NEB: variants seen among roughly 807,000 people sequenced by gnomAD.
NEB encodes nebulin.
A neutral mutation model predicts 952.2 loss-of-function variants in NEB; 512 were observed. That is an observed-to-expected ratio of 0.54 (90% CI 0.50 to 0.58). The LOEUF (loss-of-function observed/expected upper bound fraction) is 0.58, where lower values mean the gene tolerates loss of function less well. NEB is among the 20% of genes least tolerant of loss of function. The pLI is 0.00. For missense variants in NEB, 8,428 were observed against 9,231.1 expected (o/e 0.91, Z 3.56); for synonymous variants, 2,900 against 3,149.8 (o/e 0.92, Z 2.66).
intron 3 of NEB, among the ~76,000 whole-genome samples, chr2:151,730,738 G>A (rs2099805779): frequency 1.3e-5 from 2 of 151,926 alleles, no homozygotes; most frequent in South Asian, 4.2e-4. Flanking sequence ...TTCCCTCAAT[G>A]GCCTGCATTC....
chr2:151,675,989 C>T (rs1344731776), intron 34 of NEB, among the ~76,000 whole-genome samples: 3 of 152,168 alleles, frequency 2.0e-5, no homozygotes, highest in Non-Finnish European at 4.4e-5. Flanking sequence ...AGAAATCTTA[C>T]TGCATCCTCC....
rs1420991944 is a variant in NEB at position 151,619,524 on chromosome 2, A to G, written c.10799T>C (p.Leu3600Pro). The G allele has an allele frequency of 1.2e-6, 2 of 1,613,952 alleles. No homozygotes were observed. Among genetic ancestry groups the G allele is most frequent in the Non-Finnish European group, 1.7e-6 (2 of 1,179,840 alleles). ...GTCGGGCAGGCAGATCCATTCATGC[A>G]GAGGATGTTTATAGTCCACATCGCT... ...LVSDVDYKHPLHEWICLPDQN... is the reference protein window; with the variant it reads ...LVSDVDYKHPPHEWICLPDQN... The change falls in exon 73 of 182, where the codon CTG becomes CCG. Residue 3600 changes from leucine (L) to proline (P), a missense_variant. This residue lies in a region of NEB where 1,772 missense variants were observed against 1,960.3 expected (regional missense o/e 0.90). Coordinates refer to ENST00000397345, the MANE Select transcript of NEB (RefSeq NM_001164508.2).
At position 151,630,807 on chromosome 2, in the gene NEB, C is replaced by G. The variant is rs757944456; in HGVS notation, c.9631G>C (p.Glu3211Gln). ...TGAGTCTTGTCTTTGTCCCAGGCCT[C>G]TGTGTATAAACGCTATAAAAGAAGA... ...ALNMNKRLYT[E>Q]AWDKDKTQIH... is the part of the protein sequence containing the mutation. Residue 3211 changes from glutamate (E) to glutamine (Q), a missense_variant, in exon 67 of 182, where the codon GAG becomes CAG. Physicochemically the swap from Glu to Gln is conservative, Grantham distance 29. Transcript: ENST00000397345. 1 of 1,607,646 alleles carries G rather than the reference C, an allele frequency of 6.2e-7. No individual in the cohort carries two copies. Among genetic ancestry groups the G allele is most frequent in the Non-Finnish European group, 8.5e-7 (1 of 1,176,172 alleles).
chr2:151,541,418 G>T, intron 136 of NEB, 29 bp downstream of exon 136: 1 of 1,554,696 alleles, frequency 6.4e-7, no homozygotes, highest in Non-Finnish European at 8.8e-7. Context: ...TGATGCCTGA[G>T]TGGCAGGCTT....
In NEB at chr2:151,733,117, T is replaced by C. The variant is rs1477166999; in HGVS notation, c.36+4A>G. ...GCTGTCAGTGTTTTTTTTTTAAATC[T>C]TACCTCCACCACCTCCTCATAGTCT... On this transcript the variant is annotated splice_donor_region_variant and intron_variant, in intron 3 of 181. Transcript: ENST00000397345. 1.9e-6 allele frequency: 3 copies of C among 1,601,334 alleles called. No homozygotes were observed. The African/African-American group carries it at 4.0e-5, about 21-fold the overall frequency.
chr2:151,565,076 G>A lies in NEB; in HGVS notation c.18439C>T (p.His6147Tyr), dbSNP rs1577779523. ...TFSPDTPHIS[H>Y]SKDMGKLYST... is the part of the protein sequence containing the mutation. Reference sequence around the variant, plus strand: ...TAGAGTTTTCCCATGTCTTTGGAGTGGGAGATATGTGGTGTATCTGGTGAA... The same window carrying A: ...TAGAGTTTTCCCATGTCTTTGGAGTAGGAGATATGTGGTGTATCTGGTGAA... Residue 6147 changes from histidine to tyrosine, a missense_variant, in exon 117 of 182, where the codon CAC (histidine) becomes TAC (tyrosine). This residue lies in a region of NEB where 3,374 missense variants were observed against 3,651.5 expected (regional missense o/e 0.92). Transcript: ENST00000397345. 3.1e-6 allele frequency: 5 copies of A among 1,594,708 alleles called. No individual in the cohort carries two copies. The Admixed American group carries it at 6.7e-5, about 21-fold the overall frequency.
rs1234582874 is a variant in NEB at position 151,709,733 on chromosome 2, T to C, written c.958A>G (p.Lys320Glu). Reference protein sequence around the residue: ...RKYQEDFENMKDQIYFMQTET... With the variant: ...RKYQEDFENMEDQIYFMQTET... The stretch of plus-strand genomic sequence containing the variant: ...GTCTGCATGAAGTAGATCTGGTCTT[T>C]CATGTTTTCAAAATCTTCCTGGTAT... The change falls in exon 12 of 182, where the codon AAA becomes GAA. Residue 320 changes from lysine (K) to glutamate (E), a missense_variant. Transcript: ENST00000397345. The C allele has an allele frequency of 6.2e-7, 1 of 1,604,342 alleles. No homozygotes were observed. The highest frequency in any genetic ancestry group is 8.5e-7 in the Non-Finnish European group (1 of 1,174,754).
intron 69 of NEB, 93 bp downstream of exon 69, chr2:151,627,430 C>T (rs2098547348): frequency 6.6e-7 from 1 of 1,526,526 alleles, no homozygotes; most frequent in African/African-American, 1.4e-5. Context: ...AATGTCATCC[C>T]TTCTGAAGGT....
chr2:151,630,786 T>A lies in NEB; in HGVS notation c.9652A>T (p.Thr3218Ser). 1 of 1,611,460 alleles carries A rather than the reference T, an allele frequency of 6.2e-7. No homozygotes were observed. Among genetic ancestry groups the A allele is most frequent in the Non-Finnish European group, 8.5e-7 (1 of 1,178,636 alleles). ...LYTEAWDKDKTQIHIMPDTPE... is the reference protein window; with the variant it reads ...LYTEAWDKDKSQIHIMPDTPE... ...GTATCAGGCATTATGTGAATTTGAG[T>A]CTTGTCTTTGTCCCAGGCCTCTGTG... is the stretch of plus-strand genomic sequence containing the variant. The change falls in exon 67 of 182, where the codon ACT becomes TCT. Residue 3218 changes from threonine to serine, a missense_variant. Physicochemically the swap from Thr to Ser is moderately conservative, Grantham distance 58 (BLOSUM62 1). Transcript: ENST00000397345.
chr2:151,660,556 C>T (rs1047344940), intron 46 of NEB, among the ~76,000 whole-genome samples: 4 of 152,182 alleles, frequency 2.6e-5, no homozygotes, highest in African/African-American at 9.7e-5. Context: ...AATGCTATCT[C>T]TTTGTTTTAG....
At chr2:151,665,663 T>C in intron 41 of NEB, 124 bp from the exon 42 acceptor site, 1 of 769,784 alleles carries the variant, frequency 1.3e-6, no homozygotes, top group East Asian at 2.7e-5. Context: ...ATCTGCTTTT[T>C]ACTCCCTACA....
intron 143 of NEB, among the ~76,000 whole-genome samples, chr2:151,532,487 C>T (rs1212886535): frequency 2.0e-5 from 3 of 152,052 alleles, no homozygotes; most frequent in Non-Finnish European, 4.4e-5. Flanking sequence ...TTTGTTTTTG[C>T]AATTTTCAAG....
At position 151,496,207 on chromosome 2, in the gene NEB, G is replaced by GTAT. The variant is rs1018276843; in HGVS notation, c.24486+66_24486+68dup. 17 of 1,399,592 alleles carry GTAT rather than the reference G, an allele frequency of 1.2e-5. No individual in the cohort carries two copies. In the African/African-American group the frequency reaches 2.2e-4, roughly 18 times the overall value. 86.7% of individuals were successfully genotyped at this position (1,399,592 alleles called of 1,614,324 possible). A position where few individuals can be genotyped will look rare whatever the true frequency, so the allele number is the denominator to read the frequency against. On this transcript the variant is annotated intron_variant, in intron 173 of 181. Transcript: ENST00000397345. ...TGTCTTTAAAAAGTAGGATTAATATGTATTATTTTAAATCATAAAAGTAGT... is the reference window on the plus strand; with the variant it reads ...TGTCTTTAAAAAGTAGGATTAATATGTATTATTATTTTAAATCATAAAAGTAGT...
intron 148 of NEB, 151 bp downstream of exon 148, chr2:151,526,767 G>T: frequency 1.6e-6 from 1 of 624,942 alleles, no homozygotes; most frequent in Non-Finnish European, 2.8e-6. Context: ...GACTGCTGGC[G>T]CCCCTCACAG....
chr2:151,627,032 C>T lies in NEB; in HGVS notation c.10317G>A (p.Leu3439=), dbSNP rs771144729. 1 of 1,613,880 alleles carries T rather than the reference C, an allele frequency of 6.2e-7. No homozygotes were observed. The highest frequency in any genetic ancestry group is 1.7e-5 in the Admixed American group (1 of 60,006). The change falls in exon 70 of 182, where the codon CTG becomes CTA. Residue 3439 remains leucine, a synonymous_variant. Transcript: ENST00000397345. ...TCATATTGAGAGCATTGTTCTTGGC[C>T]AGCACCTGCTCTAGAGAGTCAGTCA... ...TSVTDSLEQV[L]AKNNALNMNK...
At chr2:151,570,754 C>T (rs1028397123) in intron 107 of NEB, among the ~76,000 whole-genome samples, 153 bp from the exon 108 acceptor site, 2 of 152,160 alleles carry the variant, frequency 1.3e-5, no homozygotes, top group African/African-American at 4.8e-5. Flanking sequence ...ATTCTATGCA[C>T]CATTGTCCTG....
chr2:151,651,625 A>G (rs1277644029), intron 52 of NEB, among the ~76,000 whole-genome samples: 2 of 152,234 alleles, frequency 1.3e-5, no homozygotes, highest in Non-Finnish European at 2.9e-5. Context: ...AATTTAAGAC[A>G]GTAAAAGTAA....
intron 17 of NEB, 83 bp from the exon 18 acceptor site, chr2:151,695,765 G>A: frequency 9.8e-7 from 1 of 1,019,858 alleles, no homozygotes; most frequent in Non-Finnish European, 1.5e-6. Flanking sequence ...TGTAAAGTTA[G>A]TGACAGCATT....
chr2:151,558,948 A>T (rs1347908550), intron 124 of NEB, among the ~76,000 whole-genome samples: 2 of 152,236 alleles, frequency 1.3e-5, no homozygotes, highest in Non-Finnish European at 2.9e-5. Flanking sequence ...TTGGAATCTA[A>T]TTAAACTAAA....
Sources: allele counts gnomAD v4.1 joint callset (sites outside exome capture counted in the v4.1 genomes callset), GRCh38; gene constraint gnomAD v4.1.1; regional missense constraint gnomAD v4.1.1; transcripts MANE v1.5; gene names NCBI Gene and HGNC (gene_info 2026-07-23, HGNC 2026-07-21).